SPON1: variants seen among roughly 807,000 people sequenced by gnomAD.
SPON1 encodes spondin 1.
A neutral mutation model predicts 111.7 loss-of-function variants in SPON1; 52 were observed. The observed-to-expected ratio is 0.47, with a 90% CI of 0.37 to 0.59. The LOEUF (loss-of-function observed/expected upper bound fraction) is 0.59. Ranked by LOEUF, SPON1 falls within the 20% of genes least tolerant of loss-of-function variation. The pLI is 0.00. For synonymous variants in SPON1, 410 were observed against 395.8 expected, an observed-to-expected ratio of 1.04 and a Z score of -0.43; for missense variants, 957 against 1,068.5, an observed-to-expected ratio of 0.90 and a Z score of 1.46.
chr11:14,146,047 TA>T (rs1847713856), intron 6 of SPON1, among the ~76,000 whole-genome samples: 1 of 152,136 alleles, frequency 6.6e-6, no homozygotes, highest in Non-Finnish European at 1.5e-5. Context: ...TCCTTGCCTC[TA>T]GAGCACACAG....
intron 3 of SPON1, among the ~76,000 whole-genome samples, chr11:14,067,040 A>G (rs1848838155): frequency 6.6e-6 from 1 of 152,128 alleles, no homozygotes; most frequent in Admixed American, 6.6e-5. Flanking sequence ...AGCCAAGCAT[A>G]GTGGCAGGCA....
chr11:14,184,313 C>T (rs1353004770), intron 6 of SPON1, among the ~76,000 whole-genome samples: 5 of 152,204 alleles, frequency 3.3e-5, no homozygotes, highest in African/African-American at 1.2e-4. Context: ...CCCTGCAATG[C>T]TATCATCATT....
intron 6 of SPON1, among the ~76,000 whole-genome samples, chr11:14,154,783 A>T (rs1554930214): frequency 6.6e-6 from 1 of 152,146 alleles, no homozygotes; most frequent in African/African-American, 2.4e-5. Context: ...CCTTTTAAGT[A>T]TAAGTTTTAG....
At chr11:14,031,556 G>C (rs1554916056) in intron 2 of SPON1, among the ~76,000 whole-genome samples, 1 of 151,936 alleles carries the variant, frequency 6.6e-6, no homozygotes, top group Admixed American at 6.6e-5. Context: ...AAAGAAACAA[G>C]ACACATTATA....
intron 6 of SPON1, among the ~76,000 whole-genome samples, chr11:14,166,617 A>C (rs1220973965): frequency 6.6e-6 from 1 of 152,190 alleles, no homozygotes; most frequent in East Asian, 1.9e-4. Context: ...GGATGACAAA[A>C]GTCTATAGCC....
chr11:14,181,617 G>A (rs569241179), intron 6 of SPON1, among the ~76,000 whole-genome samples: 11 of 152,322 alleles, frequency 7.2e-5, no homozygotes, highest in African/African-American at 1.9e-4. Context: ...CATTGTGGTC[G>A]CACAGACCAG....
At chr11:14,230,614 G>A (rs1427019958) in intron 6 of SPON1, among the ~76,000 whole-genome samples, 1 of 152,178 alleles carries the variant, frequency 6.6e-6, no homozygotes, top group Non-Finnish European at 1.5e-5. Context: ...ATTGGGTCTA[G>A]AGGTCCGCCC....
intron 3 of SPON1, among the ~76,000 whole-genome samples, chr11:14,052,732 C>A (rs1471900973): frequency 2.6e-5 from 4 of 152,162 alleles, no homozygotes; most frequent in African/African-American, 9.7e-5. Flanking sequence ...GAGCATGGCT[C>A]CAGGGGATCA....
intron 2 of SPON1, among the ~76,000 whole-genome samples, chr11:14,006,313 G>A (rs562741380): frequency 5.3e-5 from 8 of 152,230 alleles, no homozygotes; most frequent in African/African-American, 1.7e-4. Flanking sequence ...TTGGCAAGGG[G>A]AGAGGGACAC....
intron 2 of SPON1, among the ~76,000 whole-genome samples, chr11:14,025,842 G>T (rs1469684845): frequency 6.6e-6 from 1 of 152,172 alleles, no homozygotes; most frequent in African/African-American, 2.4e-5. Context: ...GGTAAAAGGG[G>T]TAACAGAGGT....
chr11:13,977,829 A>C lies in SPON1; in HGVS notation c.239-5018A>C, dbSNP rs569089571. Among the ~76,000 whole-genome samples, 37 of 152,212 alleles carry C rather than the reference A, an allele frequency of 2.4e-4. 1 individual carries two copies. The South Asian group carries it at 7.5e-3, about 31-fold the overall frequency. On this transcript the variant is annotated intron_variant, in intron 1 of 15. Coordinates refer to ENST00000576479, the MANE Select transcript of SPON1 (RefSeq NM_006108.4). ...CTTTTCACATTTAGCTGTACAATCT[A>C]TGTGGAATTTACTCTGTGTATGATG...
intron 6 of SPON1, among the ~76,000 whole-genome samples, chr11:14,204,435 C>T (rs1848495592): frequency 6.6e-6 from 1 of 152,052 alleles, no homozygotes; most frequent in South Asian, 2.1e-4. Flanking sequence ...GTGTGCATCA[C>T]CTGTGGTCTA....
intron 7 of SPON1, among the ~76,000 whole-genome samples, chr11:14,246,468 G>A (rs191432970): frequency 2.0e-4 from 30 of 152,190 alleles, no homozygotes; most frequent in African/African-American, 3.6e-4. Flanking sequence ...ACTATAACAC[G>A]ATCCTTCCAA....
At chr11:14,112,304 C>T (rs1490547311) in intron 5 of SPON1, among the ~76,000 whole-genome samples, 1 of 152,174 alleles carries the variant, frequency 6.6e-6, no homozygotes, top group Non-Finnish European at 1.5e-5. Context: ...CAGTGAGTCT[C>T]CTTATTTGGA....
intron 6 of SPON1, among the ~76,000 whole-genome samples, chr11:14,158,551 C>G (rs1847875167): frequency 6.6e-6 from 1 of 152,140 alleles, no homozygotes; most frequent in Non-Finnish European, 1.5e-5. Flanking sequence ...AAGCTGTACT[C>G]AGCTTCTCAG....
chr11:14,092,072 C>T (rs1849063778), intron 5 of SPON1, among the ~76,000 whole-genome samples: 1 of 152,302 alleles, frequency 6.6e-6, no homozygotes, highest in South Asian at 2.1e-4. Context: ...CAGAAATCAC[C>T]CGCCTTCTGC....
At chr11:14,151,588 A>G (rs1847788884) in intron 6 of SPON1, among the ~76,000 whole-genome samples, 1 of 152,172 alleles carries the variant, frequency 6.6e-6, no homozygotes, top group South Asian at 2.1e-4. Context: ...AGGGTGGGAG[A>G]CATGTCATCC....
chr11:14,119,416 C>T (rs1849288521), intron 5 of SPON1, among the ~76,000 whole-genome samples: 2 of 152,098 alleles, frequency 1.3e-5, no homozygotes, highest in South Asian at 4.1e-4. Context: ...TACTAGCACC[C>T]ACCCCCTATT....
intron 6 of SPON1, among the ~76,000 whole-genome samples, chr11:14,224,499 A>AC (rs1228678100): frequency 6.6e-6 from 1 of 152,100 alleles, no homozygotes; most frequent in Non-Finnish European, 1.5e-5. Flanking sequence ...GATATGGAGG[A>AC]CCCTGGGTTC....
Sources: gnomAD v4.1 joint callset for allele counts (sites outside exome capture counted in the v4.1 genomes callset) on GRCh38, gnomAD v4.1.1 for gene constraint, MANE v1.5 for transcripts, NCBI Gene and HGNC (gene_info 2026-07-23, HGNC 2026-07-21) for gene names.